Variants in PHKB observed in about 807,000 individuals in gnomAD.
PHKB encodes phosphorylase kinase regulatory subunit beta.
Under a neutral mutation model 152.1 loss-of-function variants are expected in PHKB, and 122 were observed. That is an observed-to-expected ratio of 0.80 (90% CI 0.69 to 0.93). The LOEUF (loss-of-function observed/expected upper bound fraction) is 0.93, where lower values mean the gene tolerates loss of function less well. Among genes scored for constraint, PHKB ranks in the 40% least tolerant of loss-of-function variants. The pLI, the probability that PHKB is intolerant of heterozygous loss-of-function variation, is 0.00. For synonymous variants in PHKB, 436 were observed against 464.9 expected (o/e 0.94, Z 0.80); for missense variants, 1,304 against 1,328.4 (o/e 0.98, Z 0.29).
At position 47,680,913 on chromosome 16, in the gene PHKB, A is replaced by G. The variant is rs1182919455; in HGVS notation, c.2631-8128A>G. On this transcript the variant is annotated intron_variant, in intron 26 of 30. Coordinates refer to ENST00000323584, the MANE Select transcript of PHKB (RefSeq NM_000293.3). ...CTTCCTCTTGTGGGCATTTAATGCT[A>G]TAAATTTCCCTGTGCACCCTGCTTT... 2.6e-5 allele frequency among the ~76,000 whole-genome samples: 4 copies of G among 152,182 alleles called. No individual in the cohort carries two copies. In the East Asian group the frequency reaches 5.8e-4, roughly 22 times the overall value.
chr16:47,557,286 G>A (rs1971390802), intron 7 of PHKB, among the ~76,000 whole-genome samples: 2 of 152,302 alleles, frequency 1.3e-5, no homozygotes, highest in African/African-American at 2.4e-5. Context: ...AACCCTAGAA[G>A]AAAACCTAGG....
At chr16:47,547,191 C>A (rs1056177615) in intron 6 of PHKB, among the ~76,000 whole-genome samples, 1 of 152,176 alleles carries the variant, frequency 6.6e-6, no homozygotes, top group African/African-American at 2.4e-5. Flanking sequence ...CTGTGTTGAT[C>A]ATGCTGGGAG....
chr16:47,683,298 C>A (rs565275873), intron 26 of PHKB, among the ~76,000 whole-genome samples: 1 of 152,202 alleles, frequency 6.6e-6, no homozygotes, highest in Non-Finnish European at 1.5e-5. Context: ...AGCTGTCAGA[C>A]GGGACATTTA....
intron 27 of PHKB, among the ~76,000 whole-genome samples, chr16:47,691,702 C>CA (rs199517491): frequency 0.055 from 5,289 of 95,428 alleles, 149 homozygotes; most frequent in East Asian, 0.15. Flanking sequence ...GATCCTGTCT[C>CA]AAAAAAAAAA....
In PHKB at chr16:47,698,597, A is replaced by C. The variant is rs200504388; in HGVS notation, c.3144+9A>C. Reference sequence around the variant, plus strand: ...AGGAAATTGAAAAACAAGTAAGTACACAGCTTTTTTTTTTTTTTTTTTTTT... The same window carrying C: ...AGGAAATTGAAAAACAAGTAAGTACCCAGCTTTTTTTTTTTTTTTTTTTTT... On this transcript the variant is annotated intron_variant, in intron 30 of 30. Coordinates refer to ENST00000323584, the MANE Select transcript of PHKB (RefSeq NM_000293.3). 32 of 1,311,960 alleles carry C rather than the reference A, an allele frequency of 2.4e-5. No individual in the cohort carries two copies. The highest frequency in any genetic ancestry group is 3.1e-5 in the Non-Finnish European group (30 of 979,974). The allele number at this position is 1,311,960 out of a possible 1,614,324, so 81.3% of individuals were successfully genotyped here.
chr16:47,644,402 G>C (rs1414080369), intron 16 of PHKB, among the ~76,000 whole-genome samples: 4 of 152,212 alleles, frequency 2.6e-5, no homozygotes, highest in African/African-American at 9.7e-5. Flanking sequence ...ACTAGGCACA[G>C]TGCCAACTTG....
chr16:47,477,050 CTG>C (rs1969881036), intron 1 of PHKB, among the ~76,000 whole-genome samples: 2 of 152,202 alleles, frequency 1.3e-5, no homozygotes, highest in African/African-American at 4.8e-5. Flanking sequence ...GAAGTTCCCT[CTG>C]TATTAAATAG....
intron 7 of PHKB, chr16:47,561,761 C>T: frequency 6.6e-6 from 1 of 152,168 alleles, no homozygotes; most frequent in East Asian, 1.9e-4. Flanking sequence ...ATCATAGAGA[C>T]TGGATGAAAA....
At chr16:47,539,293 A>C (rs1971008273) in intron 6 of PHKB, among the ~76,000 whole-genome samples, 1 of 152,224 alleles carries the variant, frequency 6.6e-6, no homozygotes, top group East Asian at 1.9e-4. Context: ...ATTGGATTTC[A>C]GGATAATGAA....
chr16:47,687,516 T>C (rs1156305591), intron 26 of PHKB, among the ~76,000 whole-genome samples: 1 of 152,258 alleles, frequency 6.6e-6, no homozygotes, highest in Non-Finnish European at 1.5e-5. Context: ...ATCTTAATTC[T>C]GTTACATGTT....
At chr16:47,570,615 C>T (rs565091039) in intron 7 of PHKB, among the ~76,000 whole-genome samples, 79 of 151,734 alleles carry the variant, frequency 5.2e-4, no homozygotes, top group Non-Finnish European at 9.6e-4. Flanking sequence ...TAAATGAGTC[C>T]TTCATTTCCA....
intron 6 of PHKB, among the ~76,000 whole-genome samples, chr16:47,526,305 A>G (rs1220913046): frequency 6.6e-6 from 1 of 152,098 alleles, no homozygotes; most frequent in Non-Finnish European, 1.5e-5. Flanking sequence ...GCTGCTCGCG[A>G]GGCTGAGGCA....
intron 1 of PHKB, among the ~76,000 whole-genome samples, chr16:47,478,421 C>T (rs1044732546): frequency 1.4e-5 from 2 of 146,674 alleles, no homozygotes; most frequent in Admixed American, 1.4e-4. Flanking sequence ...AGCAGTATTT[C>T]TGATTTAAAT....
At chr16:47,470,500 C>T (rs561583829) in intron 1 of PHKB, among the ~76,000 whole-genome samples, 1 of 152,204 alleles carries the variant, frequency 6.6e-6, no homozygotes, top group Non-Finnish European at 1.5e-5. Context: ...ATGAACGTAT[C>T]GCAGTGCTGC....
chr16:47,469,799 C>T (rs1969732851), intron 1 of PHKB, among the ~76,000 whole-genome samples: 1 of 152,056 alleles, frequency 6.6e-6, no homozygotes, highest in South Asian at 2.1e-4. Flanking sequence ...AATGTTTTTC[C>T]CCCTAAAACC....
At chr16:47,695,178 C>G (rs888085675) in intron 28 of PHKB, among the ~76,000 whole-genome samples, 9 of 152,190 alleles carry the variant, frequency 5.9e-5, no homozygotes, top group Non-Finnish European at 1.2e-4. Flanking sequence ...TGCTACACTA[C>G]TTACCCTAAG....
intron 20 of PHKB, among the ~76,000 whole-genome samples, chr16:47,651,533 T>C (rs2151732010): frequency 6.6e-6 from 1 of 152,326 alleles, no homozygotes; most frequent in Middle Eastern, 3.4e-3. Context: ...TTACCAGACT[T>C]TAAGGGCAGC....
intron 1 of PHKB, among the ~76,000 whole-genome samples, chr16:47,477,334 G>C (rs1027659369): frequency 6.6e-6 from 1 of 152,160 alleles, no homozygotes; most frequent in South Asian, 2.1e-4. Flanking sequence ...CCTGATACAA[G>C]GCTTGGTGCT....
chr16:47,587,659 T>C lies in PHKB; in HGVS notation c.775-9T>C. On this transcript the variant is annotated splice_polypyrimidine_tract_variant and intron_variant, in intron 8 of 30. Transcript: ENST00000323584. ...AATTTAGGAAATGTTTTTCTTTTTCTCTGTCCAGGGCTGTTCGTGGTCAGT... is the reference window on the plus strand; with the variant it reads ...AATTTAGGAAATGTTTTTCTTTTTCCCTGTCCAGGGCTGTTCGTGGTCAGT... 3 of 1,604,444 alleles carry C rather than the reference T, an allele frequency of 1.9e-6. No individual in the cohort carries two copies. The highest frequency in any genetic ancestry group is 2.6e-6 in the Non-Finnish European group (3 of 1,172,664).
Sources: gnomAD v4.1 joint callset for allele counts (sites outside exome capture counted in the v4.1 genomes callset) on GRCh38, gnomAD v4.1.1 for gene constraint, MANE v1.5 for transcripts, NCBI Gene and HGNC (gene_info 2026-07-23, HGNC 2026-07-21) for gene names.